KCTD16: variants seen among roughly 807,000 people sequenced by gnomAD.
KCTD16 encodes the protein BTB/POZ domain-containing protein KCTD16.
A neutral mutation model predicts 33.2 loss-of-function variants in KCTD16; 13 were observed. That is an observed-to-expected ratio of 0.39 (90% CI 0.25 to 0.62). The LOEUF is 0.62. KCTD16 is among the 20% of genes least tolerant of loss of function. The probability of loss-of-function intolerance (pLI) is 0.50; values close to 1 mark genes in which losing one functional copy is unlikely to be tolerated. For synonymous variants in KCTD16, 197 were observed against 195.3 expected (o/e 1.01, Z -0.07); for missense variants, 441 against 525.1 (o/e 0.84, Z 1.57).
intron 3 of KCTD16, among the ~76,000 whole-genome samples, chr5:144,436,310 A>G (rs987730477): frequency 2.0e-5 from 3 of 152,150 alleles, no homozygotes; most frequent in African/African-American, 4.8e-5. Flanking sequence ...TACCTCTTTC[A>G]TGGCTCTGTA....
At chr5:144,176,418 C>T (rs1181794744) in intron 2 of KCTD16, among the ~76,000 whole-genome samples, 2 of 109,056 alleles carry the variant, frequency 1.8e-5, no homozygotes, top group Admixed American at 1.4e-4. Context: ...TTTTTTGAGA[C>T]GGAGTCTCGC....
At chr5:144,440,883 TC>T (rs1386821204) in intron 3 of KCTD16, among the ~76,000 whole-genome samples, 1 of 149,974 alleles carries the variant, frequency 6.7e-6, no homozygotes, top group Non-Finnish European at 1.5e-5. Flanking sequence ...TAATGATCTG[TC>T]CCCCCTCCCC....
At chr5:144,402,425 G>A (rs1347116068) in intron 3 of KCTD16, among the ~76,000 whole-genome samples, 2 of 152,132 alleles carry the variant, frequency 1.3e-5, no homozygotes, top group African/African-American at 2.4e-5. Context: ...TGTGTCGAGT[G>A]AGGTCGTCTA....
chr5:144,250,588 C>T (rs1754671110), intron 3 of KCTD16, among the ~76,000 whole-genome samples: 1 of 152,138 alleles, frequency 6.6e-6, no homozygotes, highest in African/African-American at 2.4e-5. Flanking sequence ...TTTACATTTG[C>T]TCTCAAATAA....
chr5:144,421,384 C>T (rs772914393), intron 3 of KCTD16, among the ~76,000 whole-genome samples: 1 of 152,088 alleles, frequency 6.6e-6, no homozygotes, highest in Non-Finnish European at 1.5e-5. Flanking sequence ...AATCTATTGT[C>T]CTGGGGAGTC....
At position 144,477,422 on chromosome 5, in the gene KCTD16, T is replaced by A. The variant is rs1395231348; in HGVS notation, c.*3308T>A. ...TGCTCTTTATTCCTTTATAGTTGTATCTATTCCAACCAATTCATTTTGGGG... is the reference window on the plus strand; with the variant it reads ...TGCTCTTTATTCCTTTATAGTTGTAACTATTCCAACCAATTCATTTTGGGG... On this transcript the variant is annotated 3_prime_UTR_variant, in exon 4 of 4. Coordinates refer to ENST00000512467, the MANE Select transcript of KCTD16 (RefSeq NM_020768.4). 6.6e-6 allele frequency: 1 copy of A among 152,192 alleles called. No homozygotes were observed. The highest frequency in any genetic ancestry group is 1.5e-5 in the Non-Finnish European group (1 of 68,020). The allele number at this position is 152,192 out of a possible 1,614,324, so 9.4% of individuals were successfully genotyped here.
intron 2 of KCTD16, among the ~76,000 whole-genome samples, chr5:144,200,075 C>T (rs1753014260): frequency 6.6e-6 from 1 of 151,886 alleles, no homozygotes. Context: ...ATGCACACCG[C>T]AAAAATTTTA....
Position 144,206,840 on chromosome 5 carries a change from A to T in KCTD16, c.126A>T (p.Thr42=). 6.2e-7 allele frequency: 1 copy of T among 1,614,116 alleles called. No individual in the cohort carries two copies. Among genetic ancestry groups the T allele is most frequent in the Non-Finnish European group, 8.5e-7 (1 of 1,180,006 alleles). The part of the protein sequence containing the change: ...GGQVYFTRHS[T]LISIPHSLLW... ...AAGTTTATTTTACTCGCCATTCCAC[A>T]TTGATAAGCATCCCTCATTCCCTCC... Residue 42 remains threonine (T), a synonymous_variant, in exon 3 of 4, where the codon ACA becomes ACT. Transcript: ENST00000512467.
At chr5:144,401,597 G>A (rs969855728) in intron 3 of KCTD16, among the ~76,000 whole-genome samples, 1 of 152,150 alleles carries the variant, frequency 6.6e-6, no homozygotes, top group Non-Finnish European at 1.5e-5. Context: ...AGGGTTTCCT[G>A]GGCATTTTGC....
At chr5:144,212,171 T>C (rs10056159) in intron 3 of KCTD16, among the ~76,000 whole-genome samples, 6,704 of 152,164 alleles carry the variant, frequency 0.044, 199 homozygotes, top group African/African-American at 0.089. Flanking sequence ...CAGGCAGATA[T>C]TGGATAATAA....
At chr5:144,362,149 C>T (rs181673868) in intron 3 of KCTD16, among the ~76,000 whole-genome samples, 54 of 152,226 alleles carry the variant, frequency 3.5e-4, no homozygotes, top group African/African-American at 1.2e-3. Context: ...ACTGCTCTCA[C>T]GTAGGCTCTC....
intron 3 of KCTD16, among the ~76,000 whole-genome samples, chr5:144,254,786 T>C (rs908403564): frequency 1.4e-4 from 22 of 151,848 alleles, no homozygotes; most frequent in African/African-American, 5.3e-4. Flanking sequence ...CTTTTTTTTT[T>C]AATCACTCTG....
chr5:144,210,866 AG>A (rs1282706938), intron 3 of KCTD16, among the ~76,000 whole-genome samples: 1 of 152,188 alleles, frequency 6.6e-6, no homozygotes, highest in Non-Finnish European at 1.5e-5. Flanking sequence ...TAAGATTTAA[AG>A]GCATTTGCCT....
chr5:144,325,226 C>G (rs1288018077), intron 3 of KCTD16, among the ~76,000 whole-genome samples: 3 of 152,154 alleles, frequency 2.0e-5, no homozygotes, highest in Non-Finnish European at 2.9e-5. Flanking sequence ...ATACACAAAT[C>G]TTTTCACCAC....
intron 2 of KCTD16, among the ~76,000 whole-genome samples, chr5:144,175,201 A>G (rs1210034298): frequency 2.6e-5 from 4 of 152,228 alleles, no homozygotes; most frequent in Admixed American, 1.3e-4. Context: ...TGACAACCCA[A>G]TGAGGTAGGT....
rs1580930226 is a variant in KCTD16, at chr5:144,396,934, T to TA, written c.833-76726_833-76725insA. ...TTATTATATATATATATATATATAT[T>TA]TTATTATACTTTAAGTTCTAGGGTA... On this transcript the variant is annotated intron_variant, in intron 3 of 3. Coordinates refer to ENST00000512467, the MANE Select transcript of KCTD16 (RefSeq NM_020768.4). Among the ~76,000 whole-genome samples, 7 of 126,854 alleles carry TA rather than the reference T, an allele frequency of 5.5e-5. 1 individual carries two copies. Among genetic ancestry groups the TA allele is most frequent in the East Asian group, 4.8e-4 (2 of 4,208 alleles). The allele number at this position is 126,854 out of a possible 152,430, so 83.2% of individuals were successfully genotyped here. A position where few individuals can be genotyped will look rare whatever the true frequency, so the allele number is the denominator to read the frequency against.
intron 3 of KCTD16, among the ~76,000 whole-genome samples, chr5:144,299,895 A>G (rs2126869578): frequency 7.9e-6 from 1 of 127,234 alleles, no homozygotes; most frequent in South Asian, 2.2e-4. Context: ...CACCAGAATC[A>G]TTTAAAAAAA....
chr5:144,484,827 A>G lies in KCTD16; in HGVS notation c.*10713A>G, dbSNP rs373079907. ...ATGAAATTACCTCTTCTCCTTTCCA[A>G]TGCAGTTCGCTTGTACATAAATGTA... On this transcript the variant is annotated 3_prime_UTR_variant, in exon 4 of 4. Transcript: ENST00000512467. 8.5e-5 allele frequency: 13 copies of G among 152,102 alleles called. No individual in the cohort carries two copies. The highest frequency in any genetic ancestry group is 2.2e-4 in the African/African-American group (9 of 41,550). 9.4% of individuals were successfully genotyped at this position (152,102 alleles called of 1,614,324 possible). A position where few individuals can be genotyped will look rare whatever the true frequency, so the allele number is the denominator to read the frequency against.
Position 144,479,828 on chromosome 5 carries a change from G to T in KCTD16, c.*5714G>T, listed in dbSNP as rs1031198655. On this transcript the variant is annotated 3_prime_UTR_variant, in exon 4 of 4. Coordinates refer to ENST00000512467, the MANE Select transcript of KCTD16 (RefSeq NM_020768.4). ...TATTTAGGAAATTTACTTTTAAAAG[G>T]ATAAAGAAAAATGTGCCTGGCCTAG... 12 of 151,862 alleles carry T rather than the reference G, an allele frequency of 7.9e-5. No homozygotes were observed. The highest frequency in any genetic ancestry group is 1.8e-4 in the Non-Finnish European group (12 of 67,914). 9.4% of individuals were successfully genotyped at this position (151,862 alleles called of 1,614,324 possible).
Sources: gnomAD v4.1 joint callset for allele counts (sites outside exome capture counted in the v4.1 genomes callset) on GRCh38, gnomAD v4.1.1 for gene constraint, MANE v1.5 for transcripts, NCBI Gene and HGNC (gene_info 2026-07-23, HGNC 2026-07-21) for gene names.